The following SKI variants were observed in gnomAD, a reference collection of about 807,000 sequenced individuals.
SKI encodes the protein SKI proto-oncogene.
In SKI, 23 loss-of-function variants were observed where a neutral mutation model predicts 59.3. That is an observed-to-expected ratio of 0.39 (90% confidence interval 0.28 to 0.55). The LOEUF (loss-of-function observed/expected upper bound fraction) is 0.55. SKI is among the 20% of genes least tolerant of loss of function. SKI has a pLI of 0.67. For missense variants in SKI, 1,017 were observed against 1,038.9 expected, an observed-to-expected ratio of 0.98 and a Z score of 0.29; for synonymous variants, 673 against 488.6, an observed-to-expected ratio of 1.38 and a Z score of -4.98.
chr1:2,278,169 G>T (rs1015801697), intron 1 of SKI, among the ~76,000 whole-genome samples: 10 of 152,212 alleles, frequency 6.6e-5, no homozygotes, highest in South Asian at 2.1e-4. Flanking sequence ...TCCCAGCCTT[G>T]GGTCCCAAAG....
chr1:2,231,382 CAT>C (rs981782989), intron 1 of SKI, among the ~76,000 whole-genome samples: 10 of 152,152 alleles, frequency 6.6e-5, no homozygotes, highest in Admixed American at 6.5e-5. Context: ...GACTGTGGGT[CAT>C]GTGTGTGCTT....
At chr1:2,246,599 C>T (rs974548603) in intron 1 of SKI, among the ~76,000 whole-genome samples, 6 of 152,194 alleles carry the variant, frequency 3.9e-5, no homozygotes, top group African/African-American at 9.7e-5. Flanking sequence ...CGGTGTGCAG[C>T]GCTGTCTGCA....
chr1:2,309,302 A>G lies in SKI; in HGVS notation c.*2537A>G, dbSNP rs554516592. The G allele has an allele frequency of 6.6e-6, 1 of 152,302 alleles. No homozygotes were observed. Among genetic ancestry groups the G allele is most frequent in the Admixed American group, 6.5e-5 (1 of 15,292 alleles). 9.4% of individuals were successfully genotyped at this position (152,302 alleles called of 1,614,324 possible). ...CCTTCATCTAAGTGATTGTGTATTC[A>G]GTTTAATTCTCATTATATTTCTATA... On this transcript the variant is annotated 3_prime_UTR_variant, in exon 7 of 7. Coordinates refer to ENST00000378536, the MANE Select transcript of SKI (RefSeq NM_003036.4).
chr1:2,284,411 T>C (rs1229482285), intron 1 of SKI, among the ~76,000 whole-genome samples: 1 of 152,218 alleles, frequency 6.6e-6, no homozygotes, highest in Non-Finnish European at 1.5e-5. Flanking sequence ...CAGACCTCTT[T>C]TGTAACAGTT....
Position 2,229,485 on chromosome 1 carries a change from C to G in SKI, c.719C>G (p.Pro240Arg), listed in dbSNP as rs770479657. The change falls in exon 1 of 7, where the codon CCG becomes CGG. Residue 240 changes from proline to arginine, a missense_variant. Transcript: ENST00000378536. The surrounding 1 kb of genome is among the most constrained non-coding windows in gnomAD (Gnocchi z 6.3). Reference sequence around the variant, plus strand: ...CTGGTGCCCGAGCTCTACAGCAGCCCGAGCGCCGCCTGCATCCAGTGCCTG... The same window carrying G: ...CTGGTGCCCGAGCTCTACAGCAGCCGGAGCGCCGCCTGCATCCAGTGCCTG... ...GLLVPELYSS[P>R]SAACIQCLDC... The G allele has an allele frequency of 6.2e-7, 1 of 1,611,458 alleles. No homozygotes were observed. The highest frequency in any genetic ancestry group is 1.1e-5 in the South Asian group (1 of 91,056).
Position 2,308,578 on chromosome 1 carries a change from G to GT in SKI, c.*1818dup, listed in dbSNP as rs1393113159. ...TTTGTTATGCAACATGCAGAATGCT[G>GT]TTTTTAGCCTTGTTTTACCAGAGTT... On this transcript the variant is annotated 3_prime_UTR_variant, in exon 7 of 7. Coordinates refer to ENST00000378536, the MANE Select transcript of SKI (RefSeq NM_003036.4). 6.6e-6 allele frequency: 1 copy of GT among 151,978 alleles called. No individual in the cohort carries two copies. Among genetic ancestry groups the GT allele is most frequent in the Non-Finnish European group, 1.5e-5 (1 of 67,978 alleles). The allele number at this position is 151,978 out of a possible 1,614,324, so 9.4% of individuals were successfully genotyped here. A position where few individuals can be genotyped will look rare whatever the true frequency, so the allele number is the denominator to read the frequency against.
rs960162859 is a variant in SKI at position 2,306,520 on chromosome 1, C to T, written c.1999-57C>T. On this transcript the variant is annotated intron_variant, in intron 6 of 6. Coordinates refer to ENST00000378536, the MANE Select transcript of SKI (RefSeq NM_003036.4). ...CAGGAGCCTCGGGTGGGGGAAGCAGCGTCGGGCCGGGGCAGGGCAGCGAGC... is the reference window on the plus strand; with the variant it reads ...CAGGAGCCTCGGGTGGGGGAAGCAGTGTCGGGCCGGGGCAGGGCAGCGAGC... The T allele has an allele frequency of 1.8e-5, 27 of 1,498,190 alleles. No homozygotes were observed. The Middle Eastern group carries it at 7.0e-4, about 39-fold the overall frequency. 92.8% of individuals were successfully genotyped at this position (1,498,190 alleles called of 1,614,324 possible).
At chr1:2,259,692 C>T (rs1445672113) in intron 1 of SKI, among the ~76,000 whole-genome samples, 1 of 152,236 alleles carries the variant, frequency 6.6e-6, no homozygotes, top group African/African-American at 2.4e-5. Context: ...CCCAGAAGCT[C>T]TCTCCTACCC....
At chr1:2,252,366 G>T (rs896143287) in intron 1 of SKI, among the ~76,000 whole-genome samples, 8 of 152,114 alleles carry the variant, frequency 5.3e-5, no homozygotes, top group Non-Finnish European at 1.2e-4. Flanking sequence ...TGCTGAGGAG[G>T]CTGCCCCACG....
At chr1:2,274,288 C>T (rs1327992568) in intron 1 of SKI, among the ~76,000 whole-genome samples, 4 of 152,120 alleles carry the variant, frequency 2.6e-5, no homozygotes, top group East Asian at 1.9e-4. Flanking sequence ...TACTTGGTTC[C>T]GGCAAGTTCT....
At chr1:2,279,664 C>T (rs936978997) in intron 1 of SKI, among the ~76,000 whole-genome samples, 1 of 151,988 alleles carries the variant, frequency 6.6e-6, no homozygotes, top group African/African-American at 2.4e-5. Context: ...CTCCTGCCCA[C>T]CCAGGCACTG....
In SKI at chr1:2,303,328, G is replaced by A. The variant is rs760033804; in HGVS notation, c.1139G>A (p.Arg380Gln). The change falls in exon 3 of 7, where the codon CGA becomes CAA. Residue 380 changes from arginine to glutamine, a missense_variant. Arg to Gln is a conservative substitution (Grantham distance 43, BLOSUM62 1). Transcript: ENST00000378536. This position sits in a 1 kb window ranked among gnomAD's most constrained non-coding sequence, Gnocchi z 5.6. ...CCTCGCCAGCGCCTCTCTGCTTTCC[G>A]ACCCTGGTCCCCCGCAGTGTCAGCG... is the stretch of plus-strand genomic sequence containing the variant. Reference protein sequence around the residue: ...VHPRQRLSAFRPWSPAVSASE... With the variant: ...VHPRQRLSAFQPWSPAVSASE... 2.5e-6 allele frequency: 4 copies of A among 1,613,798 alleles called. No homozygotes were observed. Among genetic ancestry groups the A allele is most frequent in the East Asian group, 2.2e-5 (1 of 44,874 alleles).
intron 1 of SKI, among the ~76,000 whole-genome samples, chr1:2,266,252 T>C (rs1243814293): frequency 6.6e-6 from 1 of 152,078 alleles, no homozygotes; most frequent in Non-Finnish European, 1.5e-5. Context: ...CTCTAAATCT[T>C]TGTGGGTGAC....
At chr1:2,296,634 C>A (rs985424369) in intron 1 of SKI, among the ~76,000 whole-genome samples, 4 of 151,870 alleles carry the variant, frequency 2.6e-5, no homozygotes, top group African/African-American at 4.8e-5. Flanking sequence ...TGGTCCCTTA[C>A]CAGCTACCGG....
intron 1 of SKI, among the ~76,000 whole-genome samples, chr1:2,250,552 G>T (rs539873725): frequency 6.6e-6 from 1 of 152,370 alleles, no homozygotes; most frequent in South Asian, 2.1e-4. Context: ...GCTGCTGCTG[G>T]CACTGGCCTC....
chr1:2,253,874 CT>C (rs1293540046), intron 1 of SKI, among the ~76,000 whole-genome samples: 1 of 152,190 alleles, frequency 6.6e-6, no homozygotes, highest in Non-Finnish European at 1.5e-5. Context: ...CGATGCTGGA[CT>C]TGCTGAGGGT....
At chr1:2,280,205 T>TAAA (rs891723159) in intron 1 of SKI, among the ~76,000 whole-genome samples, 1 of 136,178 alleles carries the variant, frequency 7.3e-6, no homozygotes, top group Non-Finnish European at 1.5e-5. Flanking sequence ...ACGTATCTAC[T>TAAA]AAAAAAAAAA....
In SKI at chr1:2,270,576, C is replaced by T. The variant is rs142411845; in HGVS notation, c.970-32402C>T. Among the ~76,000 whole-genome samples, 95 of 152,186 alleles carry T rather than the reference C, an allele frequency of 6.2e-4. No individual in the cohort carries two copies. The highest frequency in any genetic ancestry group is 2.0e-3 in the African/African-American group (84 of 41,558). The stretch of plus-strand genomic sequence containing the variant: ...AGGGGGCGCTGGGGAAACAAGCTGC[C>T]GGCTGAGGAGGCCGCACTCCCCGTG... On this transcript the variant is annotated intron_variant, in intron 1 of 6. Coordinates refer to ENST00000378536, the MANE Select transcript of SKI (RefSeq NM_003036.4). The surrounding 1 kb of genome is among the most constrained non-coding windows in gnomAD (Gnocchi z 4.1).
At chr1:2,272,490 C>A (rs533847286) in intron 1 of SKI, among the ~76,000 whole-genome samples, 1 of 152,178 alleles carries the variant, frequency 6.6e-6, no homozygotes, top group Non-Finnish European at 1.5e-5. Context: ...TGGCAGTGGC[C>A]GTCCCTGTGG....
Sources: gnomAD v4.1 joint callset for allele counts (sites outside exome capture counted in the v4.1 genomes callset) on GRCh38, gnomAD v4.1.1 for gene constraint, Gnocchi (gnomAD v3.1) non-coding constraint, MANE v1.5 for transcripts, NCBI Gene and HGNC (gene_info 2026-07-23, HGNC 2026-07-21) for gene names.